GPC5: variants seen among roughly 807,000 people sequenced by gnomAD.
GPC5 encodes the protein glypican 5, also known as glypican-5.
A neutral mutation model predicts 53.9 loss-of-function variants in GPC5; 47 were observed. The observed-to-expected ratio is 0.87, with a 90% CI of 0.69 to 1.11. GPC5 has a LOEUF of 1.11. Ranked by LOEUF, GPC5 falls within the 50% of genes most tolerant of loss-of-function variation. The probability of loss-of-function intolerance (pLI) is 0.00; values close to 1 mark genes in which losing one functional copy is unlikely to be tolerated. For missense variants in GPC5, 748 were observed against 713.1 expected, an observed-to-expected ratio of 1.05 and a Z score of -0.56; for synonymous variants, 286 against 263.3, an observed-to-expected ratio of 1.09 and a Z score of -0.84.
Position 92,834,763 on chromosome 13 carries a change from T to C in GPC5, c.1562-31519T>C, listed in dbSNP as rs9561173. On this transcript the variant is annotated intron_variant, in intron 7 of 7. Coordinates refer to ENST00000377067, the MANE Select transcript of GPC5 (RefSeq NM_004466.6). ...ATAAAGAGATAATTGGTATCTAATG[T>C]GAAGCTATCTCTTTGGAAAGTGAAG... Among the ~76,000 whole-genome samples the C allele has an allele frequency of 0.025, 3,858 of 152,208 alleles. 381 individuals carry two copies. The East Asian group carries it at 0.32, about 13-fold the overall frequency.
At chr13:92,180,501 A>ATT (rs34322226) in intron 7 of GPC5, among the ~76,000 whole-genome samples, 1 of 151,884 alleles carries the variant, frequency 6.6e-6, no homozygotes, top group Non-Finnish European at 1.5e-5. Flanking sequence ...GTTATGGGTG[A>ATT]TTTTTTTTAT....
chr13:92,259,609 A>C (rs2042751195), intron 7 of GPC5, among the ~76,000 whole-genome samples: 1 of 152,112 alleles, frequency 6.6e-6, no homozygotes, highest in Non-Finnish European at 1.5e-5. Flanking sequence ...CTTACTAATC[A>C]TTGGTAACTA....
chr13:91,531,725 GA>G (rs1212306245), intron 2 of GPC5, among the ~76,000 whole-genome samples: 2 of 152,200 alleles, frequency 1.3e-5, no homozygotes, highest in Admixed American at 6.5e-5. Flanking sequence ...GAAACTGTGA[GA>G]AGTGTACTCT....
intron 7 of GPC5, among the ~76,000 whole-genome samples, chr13:92,177,697 A>AT (rs1013180326): frequency 6.6e-6 from 1 of 152,224 alleles, no homozygotes; most frequent in Middle Eastern, 3.4e-3. Flanking sequence ...TCTGATAAAT[A>AT]TTTTTTGTGG....
intron 7 of GPC5, among the ~76,000 whole-genome samples, chr13:92,668,995 T>C (rs1886661282): frequency 1.3e-5 from 2 of 152,106 alleles, no homozygotes; most frequent in Admixed American, 1.3e-4. Flanking sequence ...CCAGGCAATA[T>C]TCCCATGTAA....
At chr13:92,390,871 C>A (rs1269724914) in intron 7 of GPC5, among the ~76,000 whole-genome samples, 1 of 151,958 alleles carries the variant, frequency 6.6e-6, no homozygotes, top group Non-Finnish European at 1.5e-5. Context: ...TTTGCAAAAC[C>A]TGGCATATAT....
intron 2 of GPC5, among the ~76,000 whole-genome samples, chr13:91,674,156 A>T (rs1244316434): frequency 1.3e-5 from 2 of 152,158 alleles, no homozygotes; most frequent in East Asian, 3.8e-4. Context: ...TATGGACATG[A>T]TAACAAATTT....
chr13:91,954,455 T>G (rs532366954), intron 6 of GPC5, among the ~76,000 whole-genome samples: 1 of 152,196 alleles, frequency 6.6e-6, no homozygotes, highest in African/African-American at 2.4e-5. Flanking sequence ...CGTATAGGCA[T>G]CAAAATAAAT....
At chr13:92,289,417 A>C (rs944009850) in intron 7 of GPC5, among the ~76,000 whole-genome samples, 1 of 152,104 alleles carries the variant, frequency 6.6e-6, no homozygotes. Context: ...TATTTTCTCA[A>C]TAACGTGAAT....
intron 7 of GPC5, among the ~76,000 whole-genome samples, chr13:92,224,097 G>T (rs992886290): frequency 2.0e-5 from 3 of 151,986 alleles, no homozygotes; most frequent in Admixed American, 6.6e-5. Flanking sequence ...ATAAATGAAA[G>T]ATTATGGTGA....
chr13:92,286,370 G>C (rs535738426), intron 7 of GPC5, among the ~76,000 whole-genome samples: 1 of 152,258 alleles, frequency 6.6e-6, no homozygotes, highest in South Asian at 2.1e-4. Context: ...ATTTGACCCA[G>C]CCATCCCATT....
In GPC5 at chr13:92,450,569, T is replaced by C. The variant is rs144631423; in HGVS notation, c.1561+305580T>C. Among the ~76,000 whole-genome samples the C allele has an allele frequency of 9.0e-3, 1,373 of 152,194 alleles. 25 individuals carry two copies. The highest frequency in any genetic ancestry group is 0.031 in the African/African-American group (1,295 of 41,536). ...TGGGGATGTTCAACCTGGATTTCAGTTTACAGTTCTAGTCAAACACTTATG... is the reference window on the plus strand; with the variant it reads ...TGGGGATGTTCAACCTGGATTTCAGCTTACAGTTCTAGTCAAACACTTATG... On this transcript the variant is annotated intron_variant, in intron 7 of 7. Transcript: ENST00000377067.
chr13:92,631,271 C>T (rs1486518731), intron 7 of GPC5, among the ~76,000 whole-genome samples: 2 of 151,858 alleles, frequency 1.3e-5, no homozygotes, highest in Admixed American at 1.3e-4. Flanking sequence ...ACAGTAGAAG[C>T]CTGCTTTTAA....
intron 7 of GPC5, among the ~76,000 whole-genome samples, chr13:92,564,064 G>A (rs1195853130): frequency 1.3e-5 from 2 of 151,860 alleles, no homozygotes; most frequent in African/African-American, 4.8e-5. Flanking sequence ...CTGTGCTATT[G>A]CCAAGTATAT....
At chr13:91,504,121 A>G (rs941297576) in intron 2 of GPC5, among the ~76,000 whole-genome samples, 1 of 152,048 alleles carries the variant, frequency 6.6e-6, no homozygotes, top group African/African-American at 2.4e-5. Context: ...GTTAACTTCA[A>G]TTCCTGATAT....
chr13:92,159,910 C>CT (rs2041974877), intron 7 of GPC5, among the ~76,000 whole-genome samples: 1 of 148,154 alleles, frequency 6.7e-6, no homozygotes, highest in African/African-American at 2.5e-5. Flanking sequence ...TCCCAATGTT[C>CT]TTTTTTTAAT....
chr13:92,167,383 A>G (rs542552235), intron 7 of GPC5, among the ~76,000 whole-genome samples: 1 of 152,224 alleles, frequency 6.6e-6, no homozygotes, highest in South Asian at 2.1e-4. Flanking sequence ...CAGTTTGCAA[A>G]TGATATAAAA....
intron 7 of GPC5, among the ~76,000 whole-genome samples, chr13:92,308,051 A>C (rs1488333469): frequency 6.6e-6 from 1 of 152,192 alleles, no homozygotes; most frequent in Non-Finnish European, 1.5e-5. Flanking sequence ...ATCATTTTCA[A>C]GGTAATCATT....
intron 6 of GPC5, among the ~76,000 whole-genome samples, chr13:92,074,982 T>G (rs1453315605): frequency 6.6e-6 from 1 of 152,250 alleles, no homozygotes; most frequent in East Asian, 1.9e-4. Flanking sequence ...TGTATTGTAT[T>G]GTACTTTGGT....
Sources: allele counts gnomAD v4.1 joint callset (sites outside exome capture counted in the v4.1 genomes callset), GRCh38; gene constraint gnomAD v4.1.1; transcripts MANE v1.5; gene names NCBI Gene and HGNC (gene_info 2026-07-23, HGNC 2026-07-21).